NSUN6: variants seen among roughly 807,000 people sequenced by gnomAD.
The protein encoded by NSUN6 is NOP2/Sun RNA methyltransferase 6.
A neutral mutation model predicts 58.0 loss-of-function variants in NSUN6; 64 were observed. The ratio of observed to expected loss-of-function variants is 1.10; its 90% confidence interval spans 0.90 to 1.36. The LOEUF is 1.36. Ranked by LOEUF, NSUN6 falls within the 40% of genes most tolerant of loss-of-function variation. The pLI is 0.00. For synonymous variants in NSUN6, 231 were observed against 193.9 expected, an observed-to-expected ratio of 1.19 and a Z score of -1.59; for missense variants, 701 against 550.1, an observed-to-expected ratio of 1.27 and a Z score of -2.74.
intron 8 of NSUN6, among the ~76,000 whole-genome samples, chr10:18,572,920 C>T (rs1019052986): frequency 1.8e-4 from 26 of 145,388 alleles, no homozygotes; most frequent in African/African-American, 6.6e-4. Context: ...TCCATTCCAT[C>T]CTCCATTCCA....
At chr10:18,636,825 C>A (rs2059231389) in intron 3 of NSUN6, among the ~76,000 whole-genome samples, 1 of 151,274 alleles carries the variant, frequency 6.6e-6, no homozygotes. Context: ...GGAGGCGGAG[C>A]TTACAATGAA....
At chr10:18,648,764 T>C in intron 1 of NSUN6, 119 bp from the exon 2 acceptor site, 1 of 614,700 alleles carries the variant, frequency 1.6e-6, no homozygotes, top group Non-Finnish European at 2.8e-6. Flanking sequence ...CATTCTATTT[T>C]GCTGTATTGT....
At chr10:18,641,687 T>C (rs2059395143) in intron 3 of NSUN6, among the ~76,000 whole-genome samples, 4 of 152,288 alleles carry the variant, frequency 2.6e-5, no homozygotes, top group Non-Finnish European at 5.9e-5. Context: ...AACCTATTTT[T>C]CAATTTTCAA....
chr10:18,614,136 A>T (rs1275711277), intron 5 of NSUN6, among the ~76,000 whole-genome samples: 1 of 152,114 alleles, frequency 6.6e-6, no homozygotes, highest in Non-Finnish European at 1.5e-5. Flanking sequence ...AATGATCTGG[A>T]TAGATCATCT....
intron 3 of NSUN6, among the ~76,000 whole-genome samples, chr10:18,630,626 C>T (rs1017990149): frequency 6.6e-6 from 1 of 152,182 alleles, no homozygotes; most frequent in Admixed American, 6.6e-5. Flanking sequence ...ACTACAAACA[C>T]CTCTAAGCAA....
At chr10:18,624,219 G>T (rs1156248897) in intron 3 of NSUN6, among the ~76,000 whole-genome samples, 1 of 151,720 alleles carries the variant, frequency 6.6e-6, no homozygotes, top group Non-Finnish European at 1.5e-5. Context: ...TCTGAATAAG[G>T]ATTTACAAGC....
At chr10:18,555,833 G>A (rs2054963159) in intron 8 of NSUN6, among the ~76,000 whole-genome samples, 1 of 146,808 alleles carries the variant, frequency 6.8e-6, no homozygotes, top group South Asian at 2.2e-4. Context: ...GGAATGAAAT[G>A]GAATGGAGAA....
At chr10:18,548,542 G>T (rs756678352) in intron 9 of NSUN6, among the ~76,000 whole-genome samples, 1 of 152,066 alleles carries the variant, frequency 6.6e-6, no homozygotes, top group Non-Finnish European at 1.5e-5. Context: ...TACATTTTTA[G>T]GCCACATCAA....
intron 8 of NSUN6, among the ~76,000 whole-genome samples, chr10:18,585,705 C>T (rs1321546234): frequency 6.6e-6 from 1 of 151,980 alleles, no homozygotes; most frequent in African/African-American, 2.4e-5. Context: ...TTCAGATGGA[C>T]GGGAGTAAGT....
At chr10:18,561,431 A>G (rs1157422552) in intron 8 of NSUN6, among the ~76,000 whole-genome samples, 1 of 94,532 alleles carries the variant, frequency 1.1e-5, no homozygotes, top group Non-Finnish European at 2.2e-5. Context: ...GATGGTATGG[A>G]AAATGGAATG....
At chr10:18,576,082 C>G (rs1370217247) in intron 8 of NSUN6, among the ~76,000 whole-genome samples, 1 of 152,130 alleles carries the variant, frequency 6.6e-6, no homozygotes, top group East Asian at 1.9e-4. Flanking sequence ...AGCGCTGCCC[C>G]ATCCAGAGTC....
At chr10:18,645,157 C>CAAAAAAAAAAAAAAAAAA (rs71402191) in intron 2 of NSUN6, among the ~76,000 whole-genome samples, 1 of 106,304 alleles carries the variant, frequency 9.4e-6, no homozygotes, top group Non-Finnish European at 2.0e-5. Context: ...GACTCCCTCT[C>CAAAAAAAAAAAAAAAAAA]AAAAAAAAAA....
chr10:18,612,362 T>C lies in NSUN6; in HGVS notation c.575+2098A>G, dbSNP rs370433228. 1.2e-4 allele frequency among the ~76,000 whole-genome samples: 19 copies of C among 152,274 alleles called. No individual in the cohort carries two copies. In the East Asian group the frequency reaches 1.5e-3, roughly 12 times the overall value. ...ACTTGAGCTCAGGAATTCAAGGTTA[T>C]AGTGAGCTTTCATCACACCACTCCA... On this transcript the variant is annotated intron_variant, in intron 5 of 10. Transcript: ENST00000377304.
chr10:18,593,441 A>AAC (rs2057454898), intron 7 of NSUN6, among the ~76,000 whole-genome samples: 1 of 152,206 alleles, frequency 6.6e-6, no homozygotes, highest in Non-Finnish European at 1.5e-5. Flanking sequence ...ACAATAGCAA[A>AAC]GACTTGGAAC....
chr10:18,629,293 C>G (rs2058943322), intron 3 of NSUN6, among the ~76,000 whole-genome samples: 1 of 152,124 alleles, frequency 6.6e-6, no homozygotes, highest in African/African-American at 2.4e-5. Flanking sequence ...CCAGCCACTG[C>G]AAAATCATGC....
At chr10:18,623,178 TAAGTA>T (rs1204131102) in intron 3 of NSUN6, among the ~76,000 whole-genome samples, 2 of 152,240 alleles carry the variant, frequency 1.3e-5, no homozygotes, top group East Asian at 1.9e-4. Flanking sequence ...CATCTCATTT[TAAGTA>T]AAGTGAAGAA....
intron 8 of NSUN6, among the ~76,000 whole-genome samples, chr10:18,570,270 C>A (rs1401822938): frequency 6.6e-6 from 1 of 150,690 alleles, no homozygotes; most frequent in African/African-American, 2.4e-5. Context: ...GATTCCATTC[C>A]ATTCTCCATT....
intron 7 of NSUN6, among the ~76,000 whole-genome samples, chr10:18,593,575 G>C (rs529214528): frequency 6.6e-6 from 1 of 152,192 alleles, no homozygotes; most frequent in African/African-American, 2.4e-5. Flanking sequence ...GATGAAGCTG[G>C]AAGTTATCAT....
chr10:18,599,409 T>C (rs926081892), intron 6 of NSUN6, among the ~76,000 whole-genome samples: 1 of 152,210 alleles, frequency 6.6e-6, no homozygotes, highest in Non-Finnish European at 1.5e-5. Flanking sequence ...TTTCTTAAAA[T>C]AATTTACAAC....
Sources: allele counts gnomAD v4.1 joint callset (sites outside exome capture counted in the v4.1 genomes callset), GRCh38; gene constraint gnomAD v4.1.1; transcripts MANE v1.5; gene names NCBI Gene and HGNC (gene_info 2026-07-23, HGNC 2026-07-21).